Variants in ABCA13 observed in about 807,000 individuals in gnomAD.
ABCA13 encodes the protein ATP-binding cassette sub-family A member 13.
Under a neutral mutation model 478.7 loss-of-function variants are expected in ABCA13, and 476 were observed. That is an observed-to-expected ratio of 0.99 (90% CI 0.92 to 1.07). ABCA13 has a LOEUF of 1.07. ABCA13 is among the 50% of genes least tolerant of loss of function. ABCA13 has a pLI of 0.00. For missense variants in ABCA13, 6,060 were observed against 5,910.6 expected (o/e 1.03, Z -0.83); for synonymous variants, 2,252 against 2,158.9 (o/e 1.04, Z -1.20).
At position 48,567,007 on chromosome 7, in the gene ABCA13, G is replaced by T. The variant is rs1787137199; in HGVS notation, c.14355-13217G>T. Among the ~76,000 whole-genome samples the T allele has an allele frequency of 1.3e-5, 2 of 152,158 alleles. 1 individual carries two copies. Among genetic ancestry groups the T allele is most frequent in the South Asian group, 4.1e-4 (2 of 4,828 alleles). On this transcript the variant is annotated intron_variant, in intron 55 of 61. Coordinates refer to ENST00000435803, the MANE Select transcript of ABCA13 (RefSeq NM_152701.5). ...TAAAGAATTGATAGATATGCTGTGT[G>T]CAAAAGTTGAGTGAGGTGATTCCCA...
At chr7:48,494,149 A>G (rs961529639) in intron 48 of ABCA13, among the ~76,000 whole-genome samples, 56 of 152,282 alleles carry the variant, frequency 3.7e-4, no homozygotes, top group African/African-American at 1.2e-3. Context: ...TGCAAACCCC[A>G]GGGAGGAAGG....
rs1852266 is a variant in ABCA13 at position 48,300,436 on chromosome 7, A to T, written c.9321+1949A>T. 2.6e-3 allele frequency among the ~76,000 whole-genome samples: 391 copies of T among 152,288 alleles called. 1 individual carries two copies. Among genetic ancestry groups the T allele is most frequent in the African/African-American group, 7.7e-3 (318 of 41,550 alleles). On this transcript the variant is annotated intron_variant, in intron 23 of 61. Coordinates refer to ENST00000435803, the MANE Select transcript of ABCA13 (RefSeq NM_152701.5). ...ATGACACAGTAAATATGCAAACAAAAGAAGGTCAGTGTTAAGAGACCAGAA... is the reference window on the plus strand; with the variant it reads ...ATGACACAGTAAATATGCAAACAAATGAAGGTCAGTGTTAAGAGACCAGAA...
rs753447078 is a variant in ABCA13, at chr7:48,227,453, G to A, written c.632+28G>A. 5 of 1,606,826 alleles carry A rather than the reference G, an allele frequency of 3.1e-6. No individual in the cohort carries two copies. In the African/African-American group the frequency reaches 5.4e-5, roughly 17 times the overall value. On this transcript the variant is annotated intron_variant, in intron 6 of 61. Transcript: ENST00000435803. ...GAGTGAAAAAGAAAAACATAACTAA[G>A]TATCAATATGTTGTTTTTTTACCTT...
chr7:48,412,470 A>G lies in ABCA13; in HGVS notation c.12346A>G (p.Ile4116Val), dbSNP rs749536699. ...DSSGSELTYT[I>V]PKDTDKACLK... ...CAGTGGAAGTGAGCTGACCTACACC[A>G]TTCCAAAGGACACAGACAAGGCCTG... Residue 4116 changes from isoleucine (I) to valine (V), a missense_variant, in exon 41 of 62, where the codon ATT becomes GTT. Coordinates refer to ENST00000435803, the MANE Select transcript of ABCA13 (RefSeq NM_152701.5). 48 of 1,613,566 alleles carry G rather than the reference A, an allele frequency of 3.0e-5. No individual in the cohort carries two copies. Among genetic ancestry groups the G allele is most frequent in the African/African-American group, 5.3e-5 (4 of 74,806 alleles).
chr7:48,615,422 A>G, intron 59 of ABCA13, 45 bp downstream of exon 59: 1 of 1,502,368 alleles, frequency 6.7e-7, no homozygotes, highest in Non-Finnish European at 9.1e-7. Context: ...CTATGAAATC[A>G]ATAGCATGAT....
chr7:48,244,587 T>A lies in ABCA13; in HGVS notation c.1274T>A (p.Leu425Gln), dbSNP rs59913576. 4.1e-3 allele frequency: 6,678 copies of A among 1,613,278 alleles called. 254 individuals carry two copies. The African/African-American group carries it at 0.079, about 19-fold the overall frequency. The change falls in exon 11 of 62, where the codon CTG becomes CAG. Residue 425 changes from leucine to glutamine, a missense_variant. Transcript: ENST00000435803. ...NHTFPKILQH[L>Q]WKLQSLLQNL... is the part of the protein sequence containing the mutation. ...ATTTTTGCCCTCAGATTACAGCATCTGTGGAAATTGCAAAGCTTGCTGCAA... is the reference window on the plus strand; with the variant it reads ...ATTTTTGCCCTCAGATTACAGCATCAGTGGAAATTGCAAAGCTTGCTGCAA...
intron 58 of ABCA13, 79 bp from the exon 59 acceptor site, chr7:48,615,206 C>CTT (rs1792446351): frequency 2.1e-6 from 2 of 954,274 alleles, no homozygotes; most frequent in Non-Finnish European, 2.8e-6. Context: ...ATCTTGTCTC[C>CTT]TTTTTGTTTT....
Position 48,352,264 on chromosome 7 carries a change from C to G in ABCA13, c.10465C>G (p.Arg3489Gly). The change falls in exon 31 of 62, where the codon CGG (arginine) becomes GGG (glycine). Residue 3489 changes from arginine (R) to glycine (G), a missense_variant. This residue lies in a region of ABCA13 where 4,423 missense variants were observed against 4,309.1 expected (regional missense o/e 1.03). Transcript: ENST00000435803. ...KLPPHVSYTI[R>G]TNVLYSVRTD... is the part of the protein sequence containing the mutation. ...GCCACCCCATGTCTCATACACAATC[C>G]GGACCAATGTGTTATACAGCGTGCG... 3 of 1,613,760 alleles carry G rather than the reference C, an allele frequency of 1.9e-6. No individual in the cohort carries two copies. The highest frequency in any genetic ancestry group is 2.5e-6 in the Non-Finnish European group (3 of 1,179,836).
chr7:48,406,879 T>A (rs921164300), intron 39 of ABCA13, among the ~76,000 whole-genome samples: 13 of 150,948 alleles, frequency 8.6e-5, no homozygotes, highest in African/African-American at 2.9e-4. Context: ...TCTCAAAAAA[T>A]AAATAAATAA....
intron 29 of ABCA13, among the ~76,000 whole-genome samples, chr7:48,349,366 C>T (rs1808586004): frequency 6.6e-6 from 1 of 152,170 alleles, no homozygotes; most frequent in African/African-American, 2.4e-5. Flanking sequence ...GAGCCCGACA[C>T]TTCTTGATGT....
At chr7:48,465,422 G>A (rs1021258962) in intron 43 of ABCA13, among the ~76,000 whole-genome samples, 3 of 151,418 alleles carry the variant, frequency 2.0e-5, no homozygotes, top group Non-Finnish European at 2.9e-5. Flanking sequence ...TAGCAATTCA[G>A]AAAAATATTT....
At chr7:48,455,757 G>C (rs921949555) in intron 43 of ABCA13, among the ~76,000 whole-genome samples, 1 of 152,254 alleles carries the variant, frequency 6.6e-6, no homozygotes, top group Non-Finnish European at 1.5e-5. Flanking sequence ...ATGACAGCAC[G>C]GAAGGGATGG....
At chr7:48,568,888 C>A (rs556868122) in intron 55 of ABCA13, among the ~76,000 whole-genome samples, 1 of 151,280 alleles carries the variant, frequency 6.6e-6, no homozygotes, top group African/African-American at 2.4e-5. Flanking sequence ...GGAATTTGTC[C>A]GTGTTATCTA....
At chr7:48,536,190 T>G (rs1833567494) in intron 55 of ABCA13, among the ~76,000 whole-genome samples, 1 of 152,230 alleles carries the variant, frequency 6.6e-6, no homozygotes, top group Admixed American at 6.5e-5. Flanking sequence ...ATTGCTTTCC[T>G]TAGAACTATC....
chr7:48,231,996 A>T (rs1789173012), intron 7 of ABCA13, among the ~76,000 whole-genome samples: 2 of 152,070 alleles, frequency 1.3e-5, no homozygotes, highest in Admixed American at 1.3e-4. Flanking sequence ...TTATACACAG[A>T]GATTTCTACA....
intron 57 of ABCA13, among the ~76,000 whole-genome samples, chr7:48,591,059 A>G (rs1215286634): frequency 1.3e-5 from 2 of 150,032 alleles, no homozygotes; most frequent in East Asian, 3.9e-4. Flanking sequence ...TGCCAAGACC[A>G]ATGTCAAGGA....
At chr7:48,354,619 T>G (rs1214778743) in intron 31 of ABCA13, among the ~76,000 whole-genome samples, 1 of 152,084 alleles carries the variant, frequency 6.6e-6, no homozygotes, top group Admixed American at 6.5e-5. Context: ...TGGAATTACC[T>G]CTCTTATTCT....
rs752507745 is a variant in ABCA13 at position 48,274,499 on chromosome 7, C to T, written c.4833C>T (p.Asp1611=). 61 of 1,613,818 alleles carry T rather than the reference C, an allele frequency of 3.8e-5. No individual in the cohort carries two copies. In the South Asian group the frequency reaches 6.6e-4, roughly 17 times the overall value. The change falls in exon 17 of 62, where the codon GAC becomes GAT. Residue 1611 remains aspartate, a synonymous_variant. Coordinates refer to ENST00000435803, the MANE Select transcript of ABCA13 (RefSeq NM_152701.5). ...ASYLAFSLSH[D]LQNSPKIIIS... is the part of the protein sequence containing the mutation. ...ACCTTGCCTTCAGCTTATCTCATGA[C>T]CTCCAAAATTCACCAAAAATAATAA...
intron 56 of ABCA13, among the ~76,000 whole-genome samples, chr7:48,580,998 A>G (rs1788651499): frequency 6.6e-6 from 1 of 152,124 alleles, no homozygotes; most frequent in African/African-American, 2.4e-5. Flanking sequence ...GTGTGAGTAG[A>G]GGTCAGCGAA....
Sources: allele counts gnomAD v4.1 joint callset (sites outside exome capture counted in the v4.1 genomes callset), GRCh38; gene constraint gnomAD v4.1.1; regional missense constraint gnomAD v4.1.1; transcripts MANE v1.5; gene names NCBI Gene and HGNC (gene_info 2026-07-23, HGNC 2026-07-21).